MDFI: variants seen among roughly 807,000 people sequenced by gnomAD.
MDFI encodes the protein inhibitor of MyoD family a.
In MDFI, 16 loss-of-function variants were observed where a neutral mutation model predicts 22.3. That is an observed-to-expected ratio of 0.72 (90% confidence interval 0.49 to 1.09). The LOEUF is 1.09. MDFI is among the 50% of genes least tolerant of loss of function. The pLI, the probability that MDFI is intolerant of heterozygous loss-of-function variation, is 0.00. For missense variants in MDFI, 314 were observed against 326.1 expected, an observed-to-expected ratio of 0.96 and a Z score of 0.29; for synonymous variants, 145 against 142.7, an observed-to-expected ratio of 1.02 and a Z score of -0.12.
intron 2 of MDFI, among the ~76,000 whole-genome samples, chr6:41,641,184 C>T (rs1767840670): frequency 6.6e-6 from 1 of 152,332 alleles, no homozygotes; most frequent in East Asian, 1.9e-4. Flanking sequence ...AAAGTACTCC[C>T]CAGTAGGCAT....
intron 3 of MDFI, 93 bp from the exon 4 acceptor site, chr6:41,649,526 A>G (rs1021377843): frequency 1.0e-5 from 12 of 1,178,596 alleles, no homozygotes; most frequent in Admixed American, 4.6e-5. Context: ...TTTGGGGTAT[A>G]TGTAAGAATG....
At chr6:41,639,338 C>G (rs1395294046) in intron 2 of MDFI, 6 of 985,392 alleles carry the variant, frequency 6.1e-6, no homozygotes, top group Admixed American at 6.1e-5. Context: ...TTCTCCCTCG[C>G]CTTCCTTCCC....
intron 2 of MDFI, among the ~76,000 whole-genome samples, chr6:41,642,474 T>A (rs2268409): frequency 0.32 from 48,606 of 152,060 alleles, 8,450 homozygotes; most frequent in Non-Finnish European, 0.38. Flanking sequence ...TCTTGGCGCC[T>A]CTGCCCCATC....
At chr6:41,639,131 C>A (rs1482266368) in intron 2 of MDFI, 3 of 582,270 alleles carry the variant, frequency 5.2e-6, no homozygotes, top group Non-Finnish European at 6.4e-6. Flanking sequence ...GGTGTCTGTC[C>A]GTCTGGGATT....
chr6:41,638,597 A>C lies in MDFI; in HGVS notation c.-67A>C. On this transcript the variant is annotated 5_prime_UTR_variant, in exon 1 of 5. The change abolishes an upstream ATG in the 5' untranslated region. Coordinates refer to ENST00000230321, the MANE Select transcript of MDFI (RefSeq NM_005586.4). The surrounding 1 kb of genome is among the most constrained non-coding windows in gnomAD (Gnocchi z 7.6). ...GCAGGGGCGCCCGGAGCAGGCGCGC[A>C]TGGCGGGCCCCGCGCGGGGATCCGG... is the stretch of plus-strand genomic sequence containing the variant. 1.1e-6 allele frequency: 1 copy of C among 883,334 alleles called. No homozygotes were observed. The highest frequency in any genetic ancestry group is 1.7e-6 in the Non-Finnish European group (1 of 605,706). 54.7% of individuals were successfully genotyped at this position (883,334 alleles called of 1,614,324 possible). A position where few individuals can be genotyped will look rare whatever the true frequency, so the allele number is the denominator to read the frequency against.
At chr6:41,652,082 C>T (rs570200950) in intron 4 of MDFI, among the ~76,000 whole-genome samples, 2 of 152,304 alleles carry the variant, frequency 1.3e-5, no homozygotes, top group African/African-American at 4.8e-5. Flanking sequence ...AAGAAGAAGG[C>T]AGTCAGGTAG....
Position 41,653,464 on chromosome 6 carries a change from C to T in MDFI, c.630C>T (p.Ala210=), listed in dbSNP as rs748616237. 1.4e-5 allele frequency: 23 copies of T among 1,604,290 alleles called. No individual in the cohort carries two copies. Among genetic ancestry groups the T allele is most frequent in the Non-Finnish European group, 1.9e-5 (22 of 1,179,964 alleles). The change falls in exon 5 of 5, where the codon GCC becomes GCT. Residue 210 remains alanine, a synonymous_variant. Transcript: ENST00000230321. This position sits in a 1 kb window ranked among gnomAD's most constrained non-coding sequence, Gnocchi z 4.2. ...CCCCCGSGEC[A]DCDLPCDLDC... is the part of the protein sequence containing the mutation. The stretch of plus-strand genomic sequence containing the variant: ...GCTGCTGTGGCTCTGGCGAGTGTGC[C>T]GACTGCGACCTGCCCTGCGACCTGG...
At chr6:41,651,723 C>T (rs1391581405) in intron 4 of MDFI, among the ~76,000 whole-genome samples, 1 of 152,146 alleles carries the variant, frequency 6.6e-6, no homozygotes, top group Admixed American at 6.5e-5. Flanking sequence ...CCCTCCACAG[C>T]ACAGTGAACC....
chr6:41,652,815 G>T (rs186342238), intron 4 of MDFI, among the ~76,000 whole-genome samples: 1 of 151,708 alleles, frequency 6.6e-6, no homozygotes, highest in Non-Finnish European at 1.5e-5. Flanking sequence ...ATGGGATTTC[G>T]CCATGTTGGC....
chr6:41,647,760 G>T (rs936435843), intron 3 of MDFI, among the ~76,000 whole-genome samples: 5 of 152,136 alleles, frequency 3.3e-5, no homozygotes, highest in Non-Finnish European at 1.5e-5. Flanking sequence ...GATGCCTAAA[G>T]AAGCTGCTCC....
chr6:41,638,144 T>G (rs905791569), upstream of MDFI: 4 of 152,634 alleles, frequency 2.6e-5, no homozygotes, highest in African/African-American at 9.6e-5. The surrounding 1 kb of genome is among the most constrained non-coding windows in gnomAD (Gnocchi z 7.6). Context: ...TTCCAGAAAC[T>G]TTTGCAGAGT....
chr6:41,639,864 T>TCGAAGC lies in MDFI; in HGVS notation c.76+1042_76+1047dup, dbSNP rs1429308044. On this transcript the variant is annotated intron_variant, in intron 2 of 4. Coordinates refer to ENST00000230321, the MANE Select transcript of MDFI (RefSeq NM_005586.4). ...CTGGCCTGAGCCTCCACATGCGCCC[T>TCGAAGC]CGAAGCCGGCCTGCCTGCCTGTTCT... 44 of 985,418 alleles carry TCGAAGC rather than the reference T, an allele frequency of 4.5e-5. No individual in the cohort carries two copies. The Admixed American group carries it at 2.7e-3, about 60-fold the overall frequency. The allele number at this position is 985,418 out of a possible 1,614,324, so 61.0% of individuals were successfully genotyped here.
chr6:41,649,586 TTTTCCCATCACAC>T lies in MDFI; in HGVS notation c.260-28_260-16del. 1 of 1,523,640 alleles carries T rather than the reference TTTTCCCATCACAC, an allele frequency of 6.6e-7. No individual in the cohort carries two copies. Among genetic ancestry groups the T allele is most frequent in the Non-Finnish European group, 8.9e-7 (1 of 1,129,348 alleles). 94.4% of individuals were successfully genotyped at this position (1,523,640 alleles called of 1,614,324 possible). ...TCTGGGGGCCGAATGACCCCCACCC[TTTTCCCATCACAC>T]TTTCTCTTCATCTCTCCAGGCCAGC... On this transcript the variant is annotated intron_variant, in intron 3 of 4. Transcript: ENST00000230321.
chr6:41,650,119 A>T (rs1235365004), intron 4 of MDFI: 5 of 387,934 alleles, frequency 1.3e-5, no homozygotes, highest in East Asian at 4.5e-5. Context: ...CCCACCCCAA[A>T]CCCCTCCCCA....
intron 3 of MDFI, among the ~76,000 whole-genome samples, chr6:41,648,042 CAAAAAAAAAAAAA>C (rs3050046): frequency 1.5e-5 from 1 of 65,548 alleles, no homozygotes; most frequent in South Asian, 6.7e-4. Flanking sequence ...GACTCCGTCT[CAAAAAAAAAAAAA>C]AAAAAAAAAA....
chr6:41,648,831 C>T (rs776553643), intron 3 of MDFI, among the ~76,000 whole-genome samples: 15 of 152,278 alleles, frequency 9.9e-5, no homozygotes, highest in Middle Eastern at 3.4e-3. Context: ...GGAAGGAATT[C>T]GGGGTTTGGG....
At chr6:41,639,553 T>G (rs768503183) in intron 2 of MDFI, 186 of 985,306 alleles carry the variant, frequency 1.9e-4, no homozygotes, top group Non-Finnish European at 2.2e-4. Context: ...GCCCTGGTTC[T>G]CAGTCCCTTC....
chr6:41,653,851 G>T lies in MDFI; in HGVS notation c.*276G>T. 9.4e-6 allele frequency: 4 copies of T among 425,998 alleles called. No homozygotes were observed. Among genetic ancestry groups the T allele is most frequent in the Non-Finnish European group, 1.8e-5 (4 of 227,168 alleles). 26.4% of individuals were successfully genotyped at this position (425,998 alleles called of 1,614,324 possible). A position where few individuals can be genotyped will look rare whatever the true frequency, so the allele number is the denominator to read the frequency against. ...TCATACATTGCTGAGGACCTGACAGGACAACCTAGGGGCAGGGCTGGGGTG... is the reference window on the plus strand; with the variant it reads ...TCATACATTGCTGAGGACCTGACAGTACAACCTAGGGGCAGGGCTGGGGTG... On this transcript the variant is annotated 3_prime_UTR_variant, in exon 5 of 5. Transcript: ENST00000230321. The surrounding 1 kb of genome is among the most constrained non-coding windows in gnomAD (Gnocchi z 4.2).
chr6:41,639,110 AT>A, intron 2 of MDFI: 1 of 548,038 alleles, frequency 1.8e-6, no homozygotes, highest in Non-Finnish European at 2.3e-6. Context: ...ACACACACAC[AT>A]ACACTCCGCG....
Sources: gnomAD v4.1 joint callset for allele counts (sites outside exome capture counted in the v4.1 genomes callset) on GRCh38, gnomAD v4.1.1 for gene constraint, Gnocchi (gnomAD v3.1) non-coding constraint, MANE v1.5 for transcripts, NCBI Gene and HGNC (gene_info 2026-07-23, HGNC 2026-07-21) for gene names.